The following RORA variants were observed in gnomAD, a reference collection of about 807,000 sequenced individuals.
RORA encodes RAR related orphan receptor A.
In RORA, 7 loss-of-function variants were observed where a neutral mutation model predicts 69.5. The observed-to-expected ratio is 0.10, with a 90% CI of 0.06 to 0.19. RORA has a LOEUF of 0.19. Among genes scored for constraint, RORA ranks in the 10% least tolerant of loss-of-function variants. The pLI is 1.00. For missense variants in RORA, 457 were observed against 663.0 expected, an observed-to-expected ratio of 0.69 and a Z score of 3.41; for synonymous variants, 261 against 240.8, an observed-to-expected ratio of 1.08 and a Z score of -0.78.
intron 1 of RORA, among the ~76,000 whole-genome samples, chr15:60,885,426 C>A (rs930406481): frequency 6.6e-6 from 1 of 152,204 alleles, no homozygotes; most frequent in Non-Finnish European, 1.5e-5. Flanking sequence ...TGAATACCAA[C>A]AAGTGACTAA....
At chr15:61,111,794 T>TA (rs1312838211) in intron 1 of RORA, among the ~76,000 whole-genome samples, 2 of 152,170 alleles carry the variant, frequency 1.3e-5, no homozygotes, top group African/African-American at 4.8e-5. Context: ...AAGGCAAAGA[T>TA]AAAAAAATTA....
chr15:61,060,707 AG>A (rs1345787750), intron 1 of RORA, among the ~76,000 whole-genome samples: 2 of 152,134 alleles, frequency 1.3e-5, no homozygotes, highest in African/African-American at 2.4e-5. Flanking sequence ...TAGTGAAAGG[AG>A]AAAAATGGCT....
At chr15:61,206,595 C>T (rs74900281) in intron 1 of RORA, among the ~76,000 whole-genome samples, 45 of 152,276 alleles carry the variant, frequency 3.0e-4, no homozygotes, top group Middle Eastern at 3.4e-3. Flanking sequence ...CCCTTCACCC[C>T]GACCACCAAA....
At chr15:61,091,328 A>G (rs2078703260) in intron 1 of RORA, among the ~76,000 whole-genome samples, 2 of 152,220 alleles carry the variant, frequency 1.3e-5, no homozygotes, top group Admixed American at 1.3e-4. Flanking sequence ...AATGCATCTC[A>G]GCTGTCTAAT....
chr15:60,596,076 A>G (rs573945502), intron 2 of RORA, among the ~76,000 whole-genome samples: 4 of 152,350 alleles, frequency 2.6e-5, no homozygotes, highest in African/African-American at 9.6e-5. Context: ...GTTTAAATAA[A>G]TGATACTTGA....
At chr15:60,624,967 G>A (rs1037843880) in intron 2 of RORA, among the ~76,000 whole-genome samples, 27 of 152,102 alleles carry the variant, frequency 1.8e-4, no homozygotes, top group Admixed American at 1.5e-3. Flanking sequence ...AATCGTTTCT[G>A]GAAAGCTTTA....
chr15:60,734,379 C>T (rs907677913), intron 1 of RORA, among the ~76,000 whole-genome samples: 4 of 151,702 alleles, frequency 2.6e-5, no homozygotes, highest in Admixed American at 2.6e-4. Context: ...TGGAGCTCCA[C>T]TGAAAAAACA....
intron 2 of RORA, among the ~76,000 whole-genome samples, chr15:60,608,102 T>A (rs2068995278): frequency 6.6e-6 from 1 of 152,196 alleles, no homozygotes; most frequent in African/African-American, 2.4e-5. Flanking sequence ...ATCCACATCG[T>A]ACAGACTCTA....
At chr15:60,541,655 A>C (rs1265008632) in intron 2 of RORA, among the ~76,000 whole-genome samples, 1 of 152,244 alleles carries the variant, frequency 6.6e-6, no homozygotes, top group East Asian at 1.9e-4. Context: ...ACATAAGGAG[A>C]AGAAATGCTC....
At chr15:60,864,862 C>T (rs947339662) in intron 1 of RORA, among the ~76,000 whole-genome samples, 30 of 152,156 alleles carry the variant, frequency 2.0e-4, no homozygotes, top group Non-Finnish European at 2.9e-5. Flanking sequence ...TCTAGTGAAG[C>T]TTTAGGTTCC....
chr15:60,534,016 A>T lies in RORA; in HGVS notation c.197-2165T>A, dbSNP rs917905186. On this transcript the variant is annotated intron_variant, in intron 2 of 10. Coordinates refer to ENST00000335670, the MANE Select transcript of RORA (RefSeq NM_134261.3). This position sits in a 1 kb window ranked among gnomAD's most constrained non-coding sequence, Gnocchi z 5.0. ...ATCAAGCATGTCTATTTAGTCCTTTACAAGAATATGAAGGCCCTGGGCAGG... is the reference window on the plus strand; with the variant it reads ...ATCAAGCATGTCTATTTAGTCCTTTTCAAGAATATGAAGGCCCTGGGCAGG... 1.3e-5 allele frequency among the ~76,000 whole-genome samples: 2 copies of T among 152,234 alleles called. No homozygotes were observed. The highest frequency in any genetic ancestry group is 4.8e-5 in the African/African-American group (2 of 41,466).
chr15:60,570,513 CATT>C (rs1209782291), intron 2 of RORA, among the ~76,000 whole-genome samples: 8 of 151,832 alleles, frequency 5.3e-5, no homozygotes, highest in Admixed American at 4.6e-4. Flanking sequence ...TTATTATCAT[CATT>C]ATTTTGTGTT....
intron 1 of RORA, among the ~76,000 whole-genome samples, chr15:60,779,361 T>C (rs1461299655): frequency 1.3e-5 from 2 of 152,104 alleles, no homozygotes; most frequent in Non-Finnish European, 2.9e-5. Context: ...GGAGTTCAGA[T>C]CAAAGGCTCA....
chr15:60,899,274 A>G (rs898307903), intron 1 of RORA, among the ~76,000 whole-genome samples: 4 of 152,240 alleles, frequency 2.6e-5, no homozygotes, highest in Non-Finnish European at 5.9e-5. Context: ...TATGAAGAGC[A>G]TGGAACTCTG....
chr15:60,540,769 A>C (rs1391656926), intron 2 of RORA, among the ~76,000 whole-genome samples: 1 of 152,144 alleles, frequency 6.6e-6, no homozygotes, highest in East Asian at 1.9e-4. Context: ...AATATTCCCC[A>C]ACTAAATAAA....
intron 2 of RORA, among the ~76,000 whole-genome samples, chr15:60,656,525 T>C (rs74606370): frequency 6.7e-6 from 1 of 150,198 alleles, no homozygotes; most frequent in African/African-American, 2.5e-5. Flanking sequence ...TCTTTTTTTT[T>C]CATTTTTTAA....
intron 1 of RORA, among the ~76,000 whole-genome samples, chr15:60,743,162 G>A (rs553401643): frequency 6.6e-6 from 1 of 151,486 alleles, no homozygotes; most frequent in African/African-American, 2.4e-5. Context: ...CTACAGATAT[G>A]TACCACCATG....
At chr15:61,018,701 A>G (rs1895393863) in intron 1 of RORA, among the ~76,000 whole-genome samples, 1 of 152,188 alleles carries the variant, frequency 6.6e-6, no homozygotes, top group African/African-American at 2.4e-5. Context: ...ACAGATGTAT[A>G]TATGACTATA....
At chr15:60,730,668 A>G (rs112023410) in intron 1 of RORA, among the ~76,000 whole-genome samples, 1 of 152,178 alleles carries the variant, frequency 6.6e-6, no homozygotes, top group Non-Finnish European at 1.5e-5. Context: ...TTCTCTTTGC[A>G]TGTTTTCCTG....
Sources: allele counts gnomAD v4.1 joint callset (sites outside exome capture counted in the v4.1 genomes callset), GRCh38; gene constraint gnomAD v4.1.1; non-coding constraint Gnocchi (gnomAD v3.1); transcripts MANE v1.5; gene names NCBI Gene and HGNC (gene_info 2026-07-23, HGNC 2026-07-21).